Variants in CLEC16A observed in about 807,000 individuals in gnomAD.
CLEC16A encodes the protein protein CLEC16A.
A neutral mutation model predicts 109.5 loss-of-function variants in CLEC16A; 51 were observed. That is an observed-to-expected ratio of 0.47 (90% CI 0.37 to 0.59). CLEC16A has a LOEUF of 0.59. CLEC16A is among the 20% of genes least tolerant of loss of function. CLEC16A has a pLI of 0.00. For missense variants in CLEC16A, 1,339 were observed against 1,394.0 expected, an observed-to-expected ratio of 0.96 and a Z score of 0.63; for synonymous variants, 673 against 564.2, an observed-to-expected ratio of 1.19 and a Z score of -2.73.
intron 19 of CLEC16A, among the ~76,000 whole-genome samples, chr16:11,106,183 A>C (rs758547590): frequency 9.9e-5 from 15 of 152,188 alleles, no homozygotes; most frequent in African/African-American, 1.4e-4. Context: ...ATTTTTCCCC[A>C]AAAAATTTTA....
At position 11,123,792 on chromosome 16, in the gene CLEC16A, C is replaced by T. The variant is rs1422700470; in HGVS notation, c.2319C>T (p.Thr773=). 8 of 1,613,966 alleles carry T rather than the reference C, an allele frequency of 5.0e-6. No individual in the cohort carries two copies. Among genetic ancestry groups the T allele is most frequent in the Non-Finnish European group, 5.1e-6 (6 of 1,179,916 alleles). ...ACGACAGCCGTGCCCTGAACATCAC[C>T]ATCCACAAGCCTGCGTCCAGCCCCC... ...VEDDSRALNI[T]IHKPASSPHS... The change falls in exon 21 of 24, where the codon ACC becomes ACT. Residue 773 remains threonine, a synonymous_variant. Coordinates refer to ENST00000409790, the MANE Select transcript of CLEC16A (RefSeq NM_015226.3).
intron 23 of CLEC16A, among the ~76,000 whole-genome samples, chr16:11,167,546 A>G (rs79371138): frequency 0.026 from 3,896 of 152,136 alleles, 67 homozygotes; most frequent in Middle Eastern, 0.054. Flanking sequence ...AGGAGCCAAG[A>G]TCTCCCTGGG....
rs2046503985 is a variant in CLEC16A, at chr16:11,027,842, A to C, written c.1537+2921A>C. 3.9e-5 allele frequency: 27 copies of C among 694,854 alleles called. 1 individual carries two copies. Among genetic ancestry groups the C allele is most frequent in the Middle Eastern group, 3.8e-4 (1 of 2,640 alleles). 43.0% of individuals were successfully genotyped at this position (694,854 alleles called of 1,614,324 possible). On this transcript the variant is annotated intron_variant, in intron 13 of 23. Coordinates refer to ENST00000409790, the MANE Select transcript of CLEC16A (RefSeq NM_015226.3). ...TTTTGTTGTTTTGGGAATTTTTATC[A>C]AGTGTCTTCAGAGAAGATTATTTCC...
intron 23 of CLEC16A, among the ~76,000 whole-genome samples, chr16:11,171,627 A>G (rs2140992389): frequency 6.6e-6 from 1 of 152,350 alleles, no homozygotes; most frequent in Admixed American, 6.5e-5. Context: ...TAAACATTTT[A>G]TGGTTTTGAG....
chr16:11,031,745 T>C (rs949554292), intron 13 of CLEC16A, among the ~76,000 whole-genome samples: 3 of 152,262 alleles, frequency 2.0e-5, no homozygotes, highest in East Asian at 1.9e-4. Flanking sequence ...AATAATCCCA[T>C]GTAGCGAGAA....
chr16:11,112,795 C>G (rs938566381), intron 19 of CLEC16A, among the ~76,000 whole-genome samples: 2 of 152,220 alleles, frequency 1.3e-5, no homozygotes, highest in African/African-American at 4.8e-5. Flanking sequence ...CAAGGTTCCG[C>G]TAGGAGGCAT....
At chr16:11,091,267 G>C (rs188714029) in intron 19 of CLEC16A, among the ~76,000 whole-genome samples, 1 of 152,350 alleles carries the variant, frequency 6.6e-6, no homozygotes, top group East Asian at 1.9e-4. Context: ...TATTTCAAAG[G>C]GTAAAAGGGA....
chr16:11,156,790 C>A lies in CLEC16A; in HGVS notation c.2642-9598C>A, dbSNP rs1048814083. On this transcript the variant is annotated intron_variant, in intron 22 of 23. Transcript: ENST00000409790. ...GTTCTAGAAATCCAAAGCAAGGTTGCACCACTGCGAGAGATTCCAAGATCT... is the reference window on the plus strand; with the variant it reads ...GTTCTAGAAATCCAAAGCAAGGTTGAACCACTGCGAGAGATTCCAAGATCT... 9 of 654,282 alleles carry A rather than the reference C, an allele frequency of 1.4e-5. No homozygotes were observed. The East Asian group carries it at 2.7e-4, about 20-fold the overall frequency. The allele number at this position is 654,282 out of a possible 1,614,324, so 40.5% of individuals were successfully genotyped here.
intron 19 of CLEC16A, among the ~76,000 whole-genome samples, chr16:11,079,854 C>A (rs1293942205): frequency 6.6e-6 from 1 of 152,218 alleles, no homozygotes; most frequent in Non-Finnish European, 1.5e-5. Context: ...GGGCCCCCTT[C>A]CCTTTGCTGC....
rs770024374 is a variant in CLEC16A, at chr16:11,123,735, T to G, written c.2269-7T>G. 7 of 1,613,982 alleles carry G rather than the reference T, an allele frequency of 4.3e-6. No individual in the cohort carries two copies. Among genetic ancestry groups the G allele is most frequent in the African/African-American group, 2.7e-5 (2 of 75,066 alleles). ...GAATGCCTTTTCCTTTGCTTCTCAC[T>G]GTGCAGGACATGCAGGTGACTGGCG... On this transcript the variant is annotated splice_polypyrimidine_tract_variant and splice_region_variant and intron_variant, in intron 20 of 23. Coordinates refer to ENST00000409790, the MANE Select transcript of CLEC16A (RefSeq NM_015226.3).
At chr16:10,995,532 T>C (rs9935445) in intron 10 of CLEC16A, among the ~76,000 whole-genome samples, 88,751 of 152,096 alleles carry the variant, frequency 0.58, 27,686 homozygotes, top group African/African-American at 0.8. Context: ...ATGACTGTTC[T>C]TTAAAAGCCC....
chr16:11,149,152 G>A (rs1442006995), intron 22 of CLEC16A, among the ~76,000 whole-genome samples: 1 of 152,276 alleles, frequency 6.6e-6, no homozygotes, highest in Admixed American at 6.5e-5. Flanking sequence ...AGGGAGGTGT[G>A]GGGCTGTCGG....
intron 11 of CLEC16A, among the ~76,000 whole-genome samples, chr16:11,003,914 A>T (rs1003181688): frequency 6.7e-6 from 1 of 149,344 alleles, no homozygotes; most frequent in African/African-American, 2.5e-5. Context: ...TGGGAGGATC[A>T]CTTGAGCCCA....
intron 3 of CLEC16A, among the ~76,000 whole-genome samples, chr16:10,967,320 G>A (rs574601596): frequency 1.3e-5 from 2 of 152,226 alleles, no homozygotes; most frequent in South Asian, 2.1e-4. Context: ...GTACCTCGAC[G>A]GCTCCAAATA....
intron 19 of CLEC16A, among the ~76,000 whole-genome samples, chr16:11,096,031 T>C (rs12599402): frequency 0.5 from 76,476 of 151,754 alleles, 20,108 homozygotes; most frequent in African/African-American, 0.67. Flanking sequence ...ATACCTTGTC[T>C]TTGTAAGAAA....
chr16:11,035,237 T>TGA (rs2046955299), intron 13 of CLEC16A, among the ~76,000 whole-genome samples: 1 of 152,180 alleles, frequency 6.6e-6, no homozygotes, highest in Admixed American at 6.5e-5. Flanking sequence ...TTCTAGCATG[T>TGA]TTTCTGTGTG....
At chr16:10,948,951 A>G (rs974213797) in intron 1 of CLEC16A, among the ~76,000 whole-genome samples, 1 of 152,208 alleles carries the variant, frequency 6.6e-6, no homozygotes, top group African/African-American at 2.4e-5. Context: ...CTGGACCAGC[A>G]AGGTCTCATG....
At position 11,154,932 on chromosome 16, in the gene CLEC16A, T is replaced by C. The variant is rs147178030; in HGVS notation, c.2642-11456T>C. Among the ~76,000 whole-genome samples, 1,301 of 151,102 alleles carry C rather than the reference T, an allele frequency of 8.6e-3. 21 individuals carry two copies. Among genetic ancestry groups the C allele is most frequent in the African/African-American group, 0.03 (1,232 of 41,114 alleles). On this transcript the variant is annotated intron_variant, in intron 22 of 23. Coordinates refer to ENST00000409790, the MANE Select transcript of CLEC16A (RefSeq NM_015226.3). ...ACAGAGCGGGACTCCATCTCAAAAA[T>C]AAATAAATAAATAAAACCCACCACT...
At chr16:11,157,321 A>C (rs2054571054) in intron 22 of CLEC16A, 2 of 946,082 alleles carry the variant, frequency 2.1e-6, no homozygotes, top group African/African-American at 3.5e-5. Flanking sequence ...TCCCTTCCCC[A>C]GGTGCCTGAT....
Sources: gnomAD v4.1 joint callset for allele counts (sites outside exome capture counted in the v4.1 genomes callset) on GRCh38, gnomAD v4.1.1 for gene constraint, MANE v1.5 for transcripts, NCBI Gene and HGNC (gene_info 2026-07-23, HGNC 2026-07-21) for gene names.